TAFA2: variants seen among roughly 807,000 people sequenced by gnomAD.
The protein encoded by TAFA2 is TAFA chemokine like family member 2, also known as chemokine-like protein TAFA-2.
A neutral mutation model predicts 18.8 loss-of-function variants in TAFA2; 7 were observed. That is an observed-to-expected ratio of 0.37 (90% CI 0.21 to 0.70). The LOEUF (loss-of-function observed/expected upper bound fraction) is 0.70. TAFA2 is among the 30% of genes least tolerant of loss of function. TAFA2 has a pLI of 0.53. For missense variants in TAFA2, 122 were observed against 158.1 expected (o/e 0.77, Z 1.23); for synonymous variants, 60 against 54.2 (o/e 1.11, Z -0.47).
chr12:62,235,704 CT>C (rs879392108), intron 1 of TAFA2, among the ~76,000 whole-genome samples: 1 of 151,990 alleles, frequency 6.6e-6, no homozygotes, highest in Admixed American at 6.6e-5. Context: ...AAATTTGTTG[CT>C]TTTTATTTTT....
chr12:62,194,450 C>T (rs1479340305), upstream of TAFA2, among the ~76,000 whole-genome samples: 1 of 152,090 alleles, frequency 6.6e-6, no homozygotes, highest in African/African-American at 2.4e-5. Context: ...AAGTGTGGGA[C>T]ATTTTCAGCC....
intron 2 of TAFA2, among the ~76,000 whole-genome samples, chr12:61,817,198 A>T (rs1230021963): frequency 6.6e-6 from 1 of 152,132 alleles, no homozygotes; most frequent in Non-Finnish European, 1.5e-5. Context: ...AAGATTGTTA[A>T]ACCTACCCTT....
intron 2 of TAFA2, among the ~76,000 whole-genome samples, chr12:61,862,365 A>G (rs764135635): frequency 2.0e-5 from 3 of 152,198 alleles, no homozygotes; most frequent in Non-Finnish European, 4.4e-5. Flanking sequence ...CAGTAAACTT[A>G]TTTGTTTGTA....
rs186654767 is a variant in TAFA2, at chr12:62,052,517, C to G, written c.-2+138742G>C. 5.8e-3 allele frequency among the ~76,000 whole-genome samples: 881 copies of G among 152,206 alleles called. 5 individuals carry two copies. Among genetic ancestry groups the G allele is most frequent in the Non-Finnish European group, 9.7e-3 (658 of 68,006 alleles). ...CAGCCAACCCTCTTCTCTTTGTGCTCTAAGCAATTAGTAATTAGACACTTT... is the reference window on the plus strand; with the variant it reads ...CAGCCAACCCTCTTCTCTTTGTGCTGTAAGCAATTAGTAATTAGACACTTT... On this transcript the variant is annotated intron_variant, in intron 1 of 4. Coordinates refer to ENST00000416284, the MANE Select transcript of TAFA2 (RefSeq NM_178539.5).
At chr12:62,080,961 A>G (rs966350792) in intron 1 of TAFA2, among the ~76,000 whole-genome samples, 16 of 152,138 alleles carry the variant, frequency 1.1e-4, no homozygotes, top group South Asian at 4.1e-4. Flanking sequence ...TTGGGAGGCC[A>G]AGGCGGGCGG....
intron 2 of TAFA2, among the ~76,000 whole-genome samples, chr12:61,847,070 A>G (rs1873436128): frequency 6.6e-6 from 1 of 152,118 alleles, no homozygotes; most frequent in South Asian, 2.1e-4. Context: ...CACAGCAACT[A>G]TCTCTTACTT....
chr12:61,924,024 A>G (rs978188408), intron 1 of TAFA2, among the ~76,000 whole-genome samples: 2 of 151,234 alleles, frequency 1.3e-5, no homozygotes, highest in African/African-American at 4.8e-5. Flanking sequence ...AAACATGAAG[A>G]CAAGATTAGA....
At chr12:61,954,330 G>A (rs12313765) in intron 1 of TAFA2, among the ~76,000 whole-genome samples, 3,304 of 152,114 alleles carry the variant, frequency 0.022, 100 homozygotes, top group African/African-American at 0.076. Context: ...ATAAAAGCAC[G>A]GTGTTTTTTA....
intron 2 of TAFA2, among the ~76,000 whole-genome samples, chr12:61,847,369 A>G (rs1490771185): frequency 6.6e-6 from 1 of 152,320 alleles, no homozygotes; most frequent in East Asian, 1.9e-4. Context: ...GTACAAATAA[A>G]TGCTCAATAC....
chr12:61,841,381 C>T (rs1013112120), intron 2 of TAFA2, among the ~76,000 whole-genome samples: 1 of 152,070 alleles, frequency 6.6e-6, no homozygotes, highest in African/African-American at 2.4e-5. Flanking sequence ...ACAAAGTTAA[C>T]CAGGTACCAT....
At position 62,119,071 on chromosome 12, in the gene TAFA2, TG is replaced by T. The variant is rs1241530767; in HGVS notation, c.-2+72187del. Among the ~76,000 whole-genome samples, 3 of 152,178 alleles carry T rather than the reference TG, an allele frequency of 2.0e-5. No homozygotes were observed. In the East Asian group the frequency reaches 5.8e-4, roughly 29 times the overall value. On this transcript the variant is annotated intron_variant, in intron 1 of 4. Transcript: ENST00000416284. ...TACTAAGTGTTTAAAGATTTGCTTT[TG>T]ATACTTAAATCCTTAATCTATATGG...
At chr12:62,106,478 C>T (rs1452648144) in intron 1 of TAFA2, among the ~76,000 whole-genome samples, 5 of 152,102 alleles carry the variant, frequency 3.3e-5, no homozygotes, top group Non-Finnish European at 5.9e-5. Flanking sequence ...TTTGGGGTTT[C>T]TGGGAAAATA....
chr12:62,066,201 G>C (rs1882483229), intron 1 of TAFA2, among the ~76,000 whole-genome samples: 1 of 150,040 alleles, frequency 6.7e-6, no homozygotes, highest in Non-Finnish European at 1.5e-5. Context: ...TGAGATATTT[G>C]GTATCAGCAT....
At chr12:61,812,571 T>C (rs199536693) in intron 2 of TAFA2, among the ~76,000 whole-genome samples, 4 of 136,098 alleles carry the variant, frequency 2.9e-5, no homozygotes, top group Non-Finnish European at 6.4e-5. Context: ...TGTTCCCATC[T>C]TTTTTTTTTT....
intron 1 of TAFA2, among the ~76,000 whole-genome samples, chr12:62,142,821 TG>T (rs1233541496): frequency 1.3e-5 from 2 of 152,246 alleles, no homozygotes; most frequent in African/African-American, 4.8e-5. Flanking sequence ...ATTTCTTTAA[TG>T]TTTAATATTT....
intron 1 of TAFA2, among the ~76,000 whole-genome samples, chr12:62,101,915 T>A (rs902065225): frequency 3.3e-5 from 5 of 151,898 alleles, no homozygotes; most frequent in African/African-American, 1.2e-4. Context: ...CTAAAACACA[T>A]AGTAGTGCTG....
chr12:62,048,291 G>A (rs1400808577), intron 1 of TAFA2, among the ~76,000 whole-genome samples: 1 of 152,208 alleles, frequency 6.6e-6, no homozygotes, highest in Non-Finnish European at 1.5e-5. Flanking sequence ...TGCCAAGGAA[G>A]CAGGGAGGAG....
chr12:61,933,914 G>T (rs538824335), intron 1 of TAFA2, among the ~76,000 whole-genome samples: 1 of 152,204 alleles, frequency 6.6e-6, no homozygotes, highest in Non-Finnish European at 1.5e-5. Context: ...GGTAAAAGCA[G>T]CAAGGAGAAA....
intron 4 of TAFA2, among the ~76,000 whole-genome samples, chr12:61,744,285 A>G (rs1220610708): frequency 6.6e-6 from 1 of 152,148 alleles, no homozygotes; most frequent in East Asian, 1.9e-4. Context: ...TTATAAGCAC[A>G]ACATTTGGAG....
Sources: gnomAD v4.1 joint callset for allele counts (sites outside exome capture counted in the v4.1 genomes callset) on GRCh38, gnomAD v4.1.1 for gene constraint, MANE v1.5 for transcripts, NCBI Gene and HGNC (gene_info 2026-07-23, HGNC 2026-07-21) for gene names.